UNC79: variants seen among roughly 807,000 people sequenced by gnomAD.
UNC79 encodes unc-79 subunit of NALCN channel complex, also known as protein unc-79 homolog.
Under a neutral mutation model 283.1 loss-of-function variants are expected in UNC79, and 37 were observed. The observed-to-expected ratio is 0.13, with a 90% CI of 0.10 to 0.17. The LOEUF (loss-of-function observed/expected upper bound fraction) is 0.17, where lower values mean the gene tolerates loss of function less well. UNC79 is among the 10% of genes least tolerant of loss of function. The probability of loss-of-function intolerance (pLI) is 1.00; values close to 1 mark genes in which losing one functional copy is unlikely to be tolerated. For missense variants in UNC79, 2,272 were observed against 3,211.1 expected, an observed-to-expected ratio of 0.71 and a Z score of 7.07; for synonymous variants, 1,107 against 1,200.2, an observed-to-expected ratio of 0.92 and a Z score of 1.61.
intron 1 of UNC79, among the ~76,000 whole-genome samples, chr14:93,385,811 T>G (rs1327805023): frequency 2.0e-5 from 3 of 151,912 alleles, no homozygotes; most frequent in African/African-American, 7.3e-5. Context: ...TTGATTTTTG[T>G]ATGTTGATTT....
intron 1 of UNC79, among the ~76,000 whole-genome samples, chr14:93,436,309 A>T (rs1266793849): frequency 1.3e-5 from 2 of 152,232 alleles, no homozygotes; most frequent in Non-Finnish European, 2.9e-5. Context: ...TGTCAAAAGT[A>T]CTTAAAATAT....
At chr14:93,438,655 T>TTTACGTTC (rs1374487220) in intron 1 of UNC79, among the ~76,000 whole-genome samples, 4 of 150,238 alleles carry the variant, frequency 2.7e-5, no homozygotes, top group African/African-American at 1.0e-4. Context: ...CTGGCTTTCT[T>TTTACGTTC]TTACGTTCTT....
chr14:93,482,153 C>G (rs1419419857), intron 4 of UNC79, among the ~76,000 whole-genome samples: 1 of 152,130 alleles, frequency 6.6e-6, no homozygotes, highest in East Asian at 1.9e-4. Flanking sequence ...GCAACTCATT[C>G]CAATACTTAG....
At chr14:93,523,940 C>A (rs773091129) in intron 7 of UNC79, 38 bp from the exon 8 acceptor site, 1 of 1,600,458 alleles carries the variant, frequency 6.2e-7, no homozygotes, top group African/African-American at 1.3e-5. Flanking sequence ...TGAATAATTT[C>A]AATGAGAAGT....
chr14:93,401,045 C>T (rs2140027933), intron 1 of UNC79, among the ~76,000 whole-genome samples: 1 of 152,182 alleles, frequency 6.6e-6, no homozygotes, highest in African/African-American at 2.4e-5. Context: ...GAAAATAGTG[C>T]ATGGTTTATG....
intron 1 of UNC79, among the ~76,000 whole-genome samples, chr14:93,416,119 T>A (rs1175639894): frequency 2.5e-3 from 322 of 128,308 alleles, no homozygotes; most frequent in Non-Finnish European, 3.4e-3. Flanking sequence ...TGTTAGGGTG[T>A]CAATTTTGGA....
exon 38 of UNC79, chr14:93,655,243 A>G (rs772177287): frequency 6.2e-7 from 1 of 1,614,020 alleles, no homozygotes; most frequent in South Asian, 1.1e-5. Flanking sequence ...GGGTCTAAAT[A>G]ACAAAAAGAA....
At chr14:93,518,817 A>G (rs2060192020) in intron 7 of UNC79, among the ~76,000 whole-genome samples, 1 of 151,850 alleles carries the variant, frequency 6.6e-6, no homozygotes, top group Admixed American at 6.6e-5. Context: ...TGTGCTTTTT[A>G]ATGTGTAAAT....
intron 1 of UNC79, among the ~76,000 whole-genome samples, chr14:93,356,483 C>T (rs1223260411): frequency 6.6e-6 from 1 of 152,224 alleles, no homozygotes; most frequent in African/African-American, 2.4e-5. Flanking sequence ...GTCAAAAGCA[C>T]TTCTCAGGCA....
At chr14:93,555,520 C>A (rs2402310) in intron 14 of UNC79, among the ~76,000 whole-genome samples, 131,410 of 152,076 alleles carry the variant, frequency 0.86, 56,858 homozygotes, top group East Asian at 0.94. Context: ...TATCCTGCCT[C>A]AGCCTCCCAA....
chr14:93,602,330 T>C (rs1188328135), intron 25 of UNC79, among the ~76,000 whole-genome samples: 1 of 152,200 alleles, frequency 6.6e-6, no homozygotes, highest in Non-Finnish European at 1.5e-5. Context: ...GGCTTGCCAA[T>C]TATCCCAGCA....
intron 1 of UNC79, among the ~76,000 whole-genome samples, chr14:93,372,841 T>G (rs1416186425): frequency 6.6e-6 from 1 of 152,220 alleles, no homozygotes; most frequent in African/African-American, 2.4e-5. Context: ...TAGACTACCT[T>G]ATCCAACAAC....
chr14:93,365,607 A>G (rs985912991), intron 1 of UNC79, among the ~76,000 whole-genome samples: 1 of 152,184 alleles, frequency 6.6e-6, no homozygotes, highest in African/African-American at 2.4e-5. Flanking sequence ...GAATATTAAA[A>G]ATATAATTAT....
Position 93,596,576 on chromosome 14 carries a change from A to G in UNC79, c.3191-783A>G, listed in dbSNP as rs183710732. Among the ~76,000 whole-genome samples the G allele has an allele frequency of 4.2e-3, 645 of 152,354 alleles. 4 individuals are homozygous for G. The highest frequency in any genetic ancestry group is 7.0e-3 in the Non-Finnish European group (475 of 68,028). ...CTTGAACCCGGGAGATGGAGGTTGC[A>G]GTGAGCTGAAATCGTGCCACTGCAC... On this transcript the variant is annotated intron_variant, in intron 23 of 48. Coordinates refer to ENST00000555664, the Ensembl canonical transcript of UNC79.
At chr14:93,577,509 T>C (rs1273544329) in intron 17 of UNC79, among the ~76,000 whole-genome samples, 3 of 152,210 alleles carry the variant, frequency 2.0e-5, no homozygotes, top group Admixed American at 2.0e-4. Context: ...ATTTTACTTT[T>C]GTAAGTTCTC....
At chr14:93,566,896 C>T (rs1202948529) in intron 14 of UNC79, among the ~76,000 whole-genome samples, 1 of 151,974 alleles carries the variant, frequency 6.6e-6, no homozygotes, top group Non-Finnish European at 1.5e-5. Flanking sequence ...GGATTACAGG[C>T]TTGAGCCACC....
intron 1 of UNC79, chr14:93,466,779 A>G: frequency 1.1e-6 from 1 of 877,230 alleles, no homozygotes; most frequent in Non-Finnish European, 1.4e-6. Flanking sequence ...AGAGGAGACC[A>G]GAGAGACGTT....
chr14:93,618,529 C>A (rs911467422), intron 29 of UNC79, among the ~76,000 whole-genome samples, 175 bp downstream of exon 30: 2 of 152,100 alleles, frequency 1.3e-5, no homozygotes, highest in Admixed American at 6.5e-5. Flanking sequence ...TGAAATTGAG[C>A]ATTCAAGAGG....
intron 7 of UNC79, among the ~76,000 whole-genome samples, chr14:93,514,997 T>G (rs117422824): frequency 6.6e-6 from 1 of 152,290 alleles, no homozygotes; most frequent in Non-Finnish European, 1.5e-5. Context: ...TAATGGCATT[T>G]ATGTTAGACC....
Sources: gnomAD v4.1 joint callset for allele counts (sites outside exome capture counted in the v4.1 genomes callset) on GRCh38, gnomAD v4.1.1 for gene constraint, MANE v1.5 for transcripts, NCBI Gene and HGNC (gene_info 2026-07-23, HGNC 2026-07-21) for gene names.